The following CDH13 variants were observed in gnomAD, a reference collection of about 807,000 sequenced individuals.
CDH13 encodes the protein cadherin-13.
CDH13 carries 24 observed loss-of-function variants against 63.8 expected under a neutral mutation model. That is an observed-to-expected ratio of 0.38 (90% CI 0.27 to 0.53). The LOEUF (loss-of-function observed/expected upper bound fraction) is 0.53, where lower values mean the gene tolerates loss of function less well. CDH13 is among the 20% of genes least tolerant of loss of function. The pLI, the probability that CDH13 is intolerant of heterozygous loss-of-function variation, is 0.85. For synonymous variants in CDH13, 503 were observed against 355.3 expected, an observed-to-expected ratio of 1.42 and a Z score of -4.67; for missense variants, 1,049 against 903.1, an observed-to-expected ratio of 1.16 and a Z score of -2.07.
intron 1 of CDH13, among the ~76,000 whole-genome samples, chr16:82,848,646 G>A (rs1405088707): frequency 6.6e-6 from 1 of 151,526 alleles, no homozygotes; most frequent in Admixed American, 6.6e-5. Context: ...ATAAGTGCGT[G>A]TTCTGACTGT....
At chr16:83,403,057 G>A (rs1423881695) in intron 6 of CDH13, among the ~76,000 whole-genome samples, 2 of 152,168 alleles carry the variant, frequency 1.3e-5, no homozygotes, top group Non-Finnish European at 2.9e-5. Context: ...TGCTTCTGAA[G>A]CCCAAGGGGC....
At chr16:82,966,683 T>C (rs1799406195) in intron 2 of CDH13, among the ~76,000 whole-genome samples, 2 of 152,218 alleles carry the variant, frequency 1.3e-5, no homozygotes, top group African/African-American at 4.8e-5. Context: ...AGGTAATTCC[T>C]TTATATTTTT....
intron 2 of CDH13, among the ~76,000 whole-genome samples, chr16:83,009,820 C>G (rs1245406563): frequency 1.3e-5 from 2 of 152,154 alleles, no homozygotes; most frequent in Non-Finnish European, 2.9e-5. Flanking sequence ...CTGCTGGGCT[C>G]TATCCCCAAA....
At chr16:83,159,897 A>T (rs2037374195) in intron 4 of CDH13, among the ~76,000 whole-genome samples, 1 of 152,106 alleles carries the variant, frequency 6.6e-6, no homozygotes, top group South Asian at 2.1e-4. Flanking sequence ...CAACATGGCG[A>T]AAACCCGTAT....
chr16:83,457,086 C>T lies in CDH13; in HGVS notation c.782-29391C>T, dbSNP rs145092672. 1.2e-4 allele frequency among the ~76,000 whole-genome samples: 18 copies of T among 152,242 alleles called. No homozygotes were observed. The East Asian group carries it at 2.1e-3, about 18-fold the overall frequency. On this transcript the variant is annotated intron_variant, in intron 6 of 13. Coordinates refer to ENST00000567109, the MANE Select transcript of CDH13 (RefSeq NM_001257.5). ...TTGACTTTGGGCTTCATCTCAGAGG[C>T]GATGGAGGATGGAGTCCAAGCCAAA...
chr16:82,731,099 C>T (rs1455543289), intron 1 of CDH13, among the ~76,000 whole-genome samples: 2 of 152,138 alleles, frequency 1.3e-5, no homozygotes, highest in Non-Finnish European at 2.9e-5. Flanking sequence ...TTGAAGCTGG[C>T]CATGCCGGGA....
intron 6 of CDH13, among the ~76,000 whole-genome samples, chr16:83,436,864 G>A (rs190027924): frequency 6.6e-6 from 1 of 152,250 alleles, no homozygotes; most frequent in East Asian, 1.9e-4. Flanking sequence ...CCTGCCATTG[G>A]TAGGGCTCTT....
At chr16:83,569,557 T>G (rs1029024838) in intron 7 of CDH13, among the ~76,000 whole-genome samples, 2 of 152,204 alleles carry the variant, frequency 1.3e-5, no homozygotes, top group African/African-American at 2.4e-5. Flanking sequence ...TCTAAAAGTA[T>G]CTTACACATT....
At chr16:83,779,373 C>T (rs1161910027) in intron 11 of CDH13, among the ~76,000 whole-genome samples, 4 of 128,322 alleles carry the variant, frequency 3.1e-5, no homozygotes, top group African/African-American at 1.2e-4. Flanking sequence ...CGCCATTGCA[C>T]TCCAGCCCGG....
intron 3 of CDH13, among the ~76,000 whole-genome samples, chr16:83,094,606 T>G (rs2034101232): frequency 6.6e-6 from 1 of 152,116 alleles, no homozygotes; most frequent in Non-Finnish European, 1.5e-5. Flanking sequence ...GGCCTCTTAG[T>G]TTATAGCTGT....
Position 83,134,543 on chromosome 16 carries a change from G to A in CDH13, c.483+9042G>A, listed in dbSNP as rs1250075857. Among the ~76,000 whole-genome samples, 3 of 121,780 alleles carry A rather than the reference G, an allele frequency of 2.5e-5. 1 individual carries two copies. In the Admixed American group the frequency reaches 2.8e-4, roughly 11 times the overall value. 79.9% of individuals were successfully genotyped at this position (121,780 alleles called of 152,430 possible). On this transcript the variant is annotated intron_variant, in intron 4 of 13. Transcript: ENST00000567109. ...GGATTTTATGTGGGGATGGGGTGGG[G>A]GGAGAGAGAGAGAGAGAGAGAGAGA...
At chr16:82,724,189 G>A (rs1164382246) in intron 1 of CDH13, among the ~76,000 whole-genome samples, 1 of 152,038 alleles carries the variant, frequency 6.6e-6, no homozygotes, top group African/African-American at 2.4e-5. Context: ...TCTCATTTTT[G>A]TTCTCAGACA....
At chr16:83,020,460 C>T (rs143166032) in intron 2 of CDH13, among the ~76,000 whole-genome samples, 3,243 of 152,274 alleles carry the variant, frequency 0.021, 50 homozygotes, top group Non-Finnish European at 0.033. Context: ...TGCCAACAGA[C>T]CCTATGACTG....
intron 5 of CDH13, among the ~76,000 whole-genome samples, chr16:83,319,309 C>A (rs186262878): frequency 6.6e-6 from 1 of 152,122 alleles, no homozygotes; most frequent in Non-Finnish European, 1.5e-5. Context: ...GCATTCCTTC[C>A]GAAGGCGTTT....
intron 1 of CDH13, among the ~76,000 whole-genome samples, chr16:82,805,534 C>T (rs1275038596): frequency 3.3e-5 from 5 of 152,166 alleles, no homozygotes; most frequent in South Asian, 2.1e-4. Context: ...TATGGAACTG[C>T]GGGCAGGGCC....
At chr16:82,770,715 C>T (rs955809818) in intron 1 of CDH13, among the ~76,000 whole-genome samples, 7 of 152,002 alleles carry the variant, frequency 4.6e-5, no homozygotes, top group Admixed American at 2.0e-4. Flanking sequence ...TCTATATTTC[C>T]TTTTTTTCTG....
intron 3 of CDH13, among the ~76,000 whole-genome samples, chr16:83,098,209 T>A (rs1273059863): frequency 6.6e-6 from 1 of 152,206 alleles, no homozygotes; most frequent in African/African-American, 2.4e-5. Flanking sequence ...ATCTTTAACT[T>A]ATCACAGTTC....
intron 2 of CDH13, among the ~76,000 whole-genome samples, chr16:83,027,673 C>G (rs920644946): frequency 6.6e-6 from 1 of 152,128 alleles, no homozygotes; most frequent in East Asian, 1.9e-4. Flanking sequence ...CAGGAGAATC[C>G]AAGGCTTCCT....
rs1159721485 is a variant in CDH13, at chr16:82,697,416, CTTTTTTCTTTTTTTT to C, written c.45+70286_45+70300del. Reference sequence around the variant, plus strand: ...CACCTTTAAGGGGGCCAAGGCATTTCTTTTTTCTTTTTTTTTTTTTTTTTTTTTTTTGAGACAGAG... The same window carrying C: ...CACCTTTAAGGGGGCCAAGGCATTTCTTTTTTTTTTTTTTTTGAGACAGAG... On this transcript the variant is annotated intron_variant, in intron 1 of 13. Transcript: ENST00000567109. Among the ~76,000 whole-genome samples the C allele has an allele frequency of 7.6e-4, 81 of 106,364 alleles. 1 individual carries two copies. Among genetic ancestry groups the C allele is most frequent in the African/African-American group, 2.7e-3 (79 of 28,786 alleles). The allele number at this position is 106,364 out of a possible 152,430, so 69.8% of individuals were successfully genotyped here. A position where few individuals can be genotyped will look rare whatever the true frequency, so the allele number is the denominator to read the frequency against.
Sources: allele counts gnomAD v4.1 joint callset (sites outside exome capture counted in the v4.1 genomes callset), GRCh38; gene constraint gnomAD v4.1.1; transcripts MANE v1.5; gene names NCBI Gene and HGNC (gene_info 2026-07-23, HGNC 2026-07-21).